Variants in TSPAN9 observed in about 807,000 individuals in gnomAD.
TSPAN9 encodes the protein tetraspanin 9.
A neutral mutation model predicts 31.0 loss-of-function variants in TSPAN9; 16 were observed. The ratio of observed to expected loss-of-function variants is 0.52; its 90% confidence interval spans 0.35 to 0.78. TSPAN9 has a LOEUF of 0.78. Ranked by LOEUF, TSPAN9 falls within the 30% of genes least tolerant of loss-of-function variation. The pLI, the probability that TSPAN9 is intolerant of heterozygous loss-of-function variation, is 0.01. For synonymous variants in TSPAN9, 145 were observed against 121.6 expected, an observed-to-expected ratio of 1.19 and a Z score of -1.27; for missense variants, 272 against 312.5, an observed-to-expected ratio of 0.87 and a Z score of 0.98.
intron 1 of TSPAN9, among the ~76,000 whole-genome samples, chr12:3,078,933 C>T (rs962032568): frequency 6.6e-6 from 1 of 151,722 alleles, no homozygotes; most frequent in Non-Finnish European, 1.5e-5. Flanking sequence ...GTTACATTAG[C>T]TGTATATAAT....
rs1555141408 is a variant in TSPAN9, at chr12:3,105,774, A to ACACGCG, written c.-18+22058_-18+22059insGCGCAC. On this transcript the variant is annotated intron_variant, in intron 2 of 8. Coordinates refer to ENST00000011898, the MANE Select transcript of TSPAN9 (RefSeq NM_006675.5). The stretch of plus-strand genomic sequence containing the variant: ...CACACACACGCACACACGCGCACGC[A>ACACGCG]CACACGCTCATACACACTCACGCAC... Among the ~76,000 whole-genome samples the ACACGCG allele has an allele frequency of 2.4e-3, 330 of 137,094 alleles. 7 individuals are homozygous for ACACGCG. The East Asian group carries it at 0.055, about 23-fold the overall frequency. 89.9% of individuals were successfully genotyped at this position (137,094 alleles called of 152,430 possible).
At chr12:3,202,326 G>T (rs1397070399) in intron 3 of TSPAN9, among the ~76,000 whole-genome samples, 1 of 152,214 alleles carries the variant, frequency 6.6e-6, no homozygotes, top group Non-Finnish European at 1.5e-5. Flanking sequence ...AGGAGCACTG[G>T]GGGCAGGAGA....
At chr12:3,220,739 T>G (rs909929001) in intron 3 of TSPAN9, among the ~76,000 whole-genome samples, 1 of 151,430 alleles carries the variant, frequency 6.6e-6, no homozygotes, top group African/African-American at 2.4e-5. Context: ...GAGACCTGTT[T>G]CCTGTGCTGC....
At chr12:3,231,544 C>G (rs1052793296) in intron 3 of TSPAN9, among the ~76,000 whole-genome samples, 1 of 152,232 alleles carries the variant, frequency 6.6e-6, no homozygotes, top group African/African-American at 2.4e-5. Flanking sequence ...CCTGACCATC[C>G]CATGCCCCAT....
intron 2 of TSPAN9, among the ~76,000 whole-genome samples, chr12:3,132,651 C>A (rs571047683): frequency 1.8e-4 from 27 of 152,332 alleles, no homozygotes; most frequent in African/African-American, 3.6e-4. Context: ...AACACCAGGC[C>A]CCAGGGCAGG....
chr12:3,185,300 G>C (rs982730279), intron 2 of TSPAN9, among the ~76,000 whole-genome samples: 1 of 152,172 alleles, frequency 6.6e-6, no homozygotes, highest in African/African-American at 2.4e-5. Context: ...TTTGGTATCT[G>C]TCTCATGTTG....
chr12:3,148,213 CTG>C (rs954814996), intron 2 of TSPAN9, among the ~76,000 whole-genome samples: 2 of 146,680 alleles, frequency 1.4e-5, no homozygotes, highest in African/African-American at 2.5e-5. Context: ...GATAAGGAAA[CTG>C]AGGCCCATCA....
intron 3 of TSPAN9, among the ~76,000 whole-genome samples, chr12:3,241,129 T>A (rs953997508): frequency 5.7e-4 from 87 of 152,270 alleles, no homozygotes; most frequent in Non-Finnish European, 3.8e-4. Flanking sequence ...GCTCTAAGAC[T>A]CCATTCTAAG....
chr12:3,134,003 G>C (rs918422233), intron 2 of TSPAN9, among the ~76,000 whole-genome samples: 6 of 152,164 alleles, frequency 3.9e-5, no homozygotes, highest in African/African-American at 1.4e-4. Flanking sequence ...GCTGTTGTGA[G>C]GGACTGATTC....
intron 3 of TSPAN9, among the ~76,000 whole-genome samples, chr12:3,262,445 A>G (rs7310867): frequency 0.04 from 6,018 of 151,018 alleles, 403 homozygotes; most frequent in African/African-American, 0.14. Context: ...GAAAATGTGT[A>G]GTAATCGTTT....
intron 4 of TSPAN9, 135 bp downstream of exon 4, chr12:3,278,747 C>A: frequency 8.0e-7 from 1 of 1,256,570 alleles, no homozygotes; most frequent in Non-Finnish European, 1.1e-6. Flanking sequence ...CTAGAACGTT[C>A]TAGGCTTGAC....
At chr12:3,106,944 G>C (rs1322419658) in intron 2 of TSPAN9, among the ~76,000 whole-genome samples, 1 of 152,170 alleles carries the variant, frequency 6.6e-6, no homozygotes, top group South Asian at 2.1e-4. Context: ...GGGGCCCTGG[G>C]GATGGAGGGT....
chr12:3,136,844 G>C (rs1426970380), intron 2 of TSPAN9, among the ~76,000 whole-genome samples: 1 of 144,380 alleles, frequency 6.9e-6, no homozygotes, highest in Non-Finnish European at 1.5e-5. Flanking sequence ...AGGCAGGGGT[G>C]GGGGGCACAT....
In TSPAN9 at chr12:3,235,229, T is replaced by A. The variant is rs1431337748; in HGVS notation, c.63+33973T>A. Among the ~76,000 whole-genome samples the A allele has an allele frequency of 9.8e-4, 10 of 10,198 alleles. 1 individual carries two copies. The highest frequency in any genetic ancestry group is 1.7e-3 in the Admixed American group (1 of 574). The allele number at this position is 10,198 out of a possible 152,430, so 6.7% of individuals were successfully genotyped here. A position where few individuals can be genotyped will look rare whatever the true frequency, so the allele number is the denominator to read the frequency against. On this transcript the variant is annotated intron_variant, in intron 3 of 8. Transcript: ENST00000011898. ...AAAAAAAAAAAAAAATATATATATA[T>A]ATATATATATATATATATATATATA...
At chr12:3,096,076 A>G (rs973319270) in intron 2 of TSPAN9, among the ~76,000 whole-genome samples, 3 of 151,884 alleles carry the variant, frequency 2.0e-5, no homozygotes, top group Non-Finnish European at 4.4e-5. Context: ...GCAAAGACTG[A>G]GACAGCTCCG....
intron 2 of TSPAN9, among the ~76,000 whole-genome samples, chr12:3,096,959 A>G (rs892237919): frequency 2.6e-5 from 4 of 152,076 alleles, no homozygotes; most frequent in African/African-American, 9.7e-5. Flanking sequence ...TGGCCTCCCA[A>G]AGTGCTGGGA....
At position 3,192,924 on chromosome 12, in the gene TSPAN9, A is replaced by G. The variant is rs1454491891; in HGVS notation, c.-17-8253A>G. ...AGGAGCTGGTTCCATGTTGACTATA[A>G]TAAGTATTGTTGGGAATGATAATAG... On this transcript the variant is annotated intron_variant, in intron 2 of 8. Coordinates refer to ENST00000011898, the MANE Select transcript of TSPAN9 (RefSeq NM_006675.5). The surrounding 1 kb of genome is among the most constrained non-coding windows in gnomAD (Gnocchi z 4.6). Among the ~76,000 whole-genome samples, 2 of 152,118 alleles carry G rather than the reference A, an allele frequency of 1.3e-5. No individual in the cohort carries two copies. Among genetic ancestry groups the G allele is most frequent in the Non-Finnish European group, 2.9e-5 (2 of 68,034 alleles).
chr12:3,180,075 C>T (rs770181068), intron 2 of TSPAN9, among the ~76,000 whole-genome samples: 4 of 152,166 alleles, frequency 2.6e-5, no homozygotes, highest in East Asian at 3.8e-4. Flanking sequence ...GTGGGCCATT[C>T]GTGTCACCAT....
At chr12:3,226,549 G>A (rs1319255581) in intron 3 of TSPAN9, among the ~76,000 whole-genome samples, 3 of 150,488 alleles carry the variant, frequency 2.0e-5, no homozygotes, top group East Asian at 3.9e-4. Context: ...GGATTTGAGG[G>A]TGTATATATA....
Sources: allele counts gnomAD v4.1 joint callset (sites outside exome capture counted in the v4.1 genomes callset), GRCh38; gene constraint gnomAD v4.1.1; non-coding constraint Gnocchi (gnomAD v3.1); transcripts MANE v1.5; gene names NCBI Gene and HGNC (gene_info 2026-07-23, HGNC 2026-07-21).